The following CAMKK2 variants were observed in gnomAD, a reference collection of about 807,000 sequenced individuals.
CAMKK2 encodes the protein calcium/calmodulin dependent protein kinase kinase 2.
CAMKK2 carries 30 observed loss-of-function variants against 67.2 expected under a neutral mutation model. The ratio of observed to expected loss-of-function variants is 0.45; its 90% confidence interval spans 0.33 to 0.61. CAMKK2 has a LOEUF of 0.61. CAMKK2 is among the 20% of genes least tolerant of loss of function. The pLI is 0.02. For missense variants in CAMKK2, 643 were observed against 802.0 expected (o/e 0.80, Z 2.39); for synonymous variants, 322 against 326.2 (o/e 0.99, Z 0.14).
At chr12:121,265,481 A>G (rs1420256557) in intron 5 of CAMKK2, among the ~76,000 whole-genome samples, 1 of 152,096 alleles carries the variant, frequency 6.6e-6, no homozygotes, top group African/African-American at 2.4e-5. Context: ...GTCAAAACCT[A>G]ATCCCCAACG....
intron 1 of CAMKK2, among the ~76,000 whole-genome samples, chr12:121,291,834 G>T (rs1226420059): frequency 6.6e-6 from 1 of 152,086 alleles, no homozygotes; most frequent in African/African-American, 2.4e-5. Context: ...GAGGCGGGCA[G>T]ATCATGAGGT....
Position 121,240,282 on chromosome 12 carries a change from G to T in CAMKK2, c.*417C>A. Reference sequence around the variant, plus strand: ...AGCCCCCTACTCCCTCTCAAATGCAGCAACCACCTCCATGGCCTCAGACCG... The same window carrying T: ...AGCCCCCTACTCCCTCTCAAATGCATCAACCACCTCCATGGCCTCAGACCG... On this transcript the variant is annotated 3_prime_UTR_variant, in exon 17 of 17. Transcript: ENST00000404169. This position sits in a 1 kb window ranked among gnomAD's most constrained non-coding sequence, Gnocchi z 4.4. 1.4e-6 allele frequency: 1 copy of T among 705,490 alleles called. No individual in the cohort carries two copies. The highest frequency in any genetic ancestry group is 2.3e-6 in the Non-Finnish European group (1 of 431,806). The allele number at this position is 705,490 out of a possible 1,614,324, so 43.7% of individuals were successfully genotyped here. A position where few individuals can be genotyped will look rare whatever the true frequency, so the allele number is the denominator to read the frequency against.
chr12:121,274,000 G>A (rs1040586319), intron 2 of CAMKK2, 56 bp downstream of exon 2: 7 of 1,257,046 alleles, frequency 5.6e-6, no homozygotes, highest in Middle Eastern at 2.8e-4. Context: ...GCCCTGCTGG[G>A]GGCAGGGAAG....
At position 121,274,155 on chromosome 12, in the gene CAMKK2, C is replaced by T. The variant is rs752505746; in HGVS notation, c.372G>A (p.Pro124=). 1.7e-5 allele frequency: 27 copies of T among 1,593,558 alleles called. No individual in the cohort carries two copies. Among genetic ancestry groups the T allele is most frequent in the Middle Eastern group, 1.7e-4 (1 of 5,996 alleles). Residue 124 remains proline, a synonymous_variant, in exon 2 of 17, where the codon CCG becomes CCA. Coordinates refer to ENST00000404169, the MANE Select transcript of CAMKK2 (RefSeq NM_001270485.2). The part of the protein sequence containing the change: ...SLDMNGRCIC[P]SLPYSPVSSP... ...AGCTGACGGGTGAGTAGGGCAGGGA[C>T]GGGCAGATGCAGCGTCCGTTCATGT...
chr12:121,252,791 C>T, intron 10 of CAMKK2, 77 bp from the exon 11 acceptor site: 1 of 1,421,576 alleles, frequency 7.0e-7, no homozygotes, highest in Non-Finnish European at 9.9e-7. Flanking sequence ...TTTGGGGAAC[C>T]ACCTCTTGAC....
intron 2 of CAMKK2, among the ~76,000 whole-genome samples, 159 bp from the exon 3 acceptor site, chr12:121,271,104 A>G (rs77230944): frequency 0.049 from 7,375 of 151,860 alleles, 569 homozygotes; most frequent in African/African-American, 0.17. Context: ...GTGAAATCCC[A>G]TCTCTATTAA....
intron 13 of CAMKK2, 53 bp from the exon 14 acceptor site, chr12:121,248,787 G>A (rs1256960928): frequency 2.5e-6 from 4 of 1,606,212 alleles, no homozygotes; most frequent in Non-Finnish European, 3.4e-6. Context: ...CTACCGGGGG[G>A]CCCTGCCAGC....
At chr12:121,249,728 C>T in intron 13 of CAMKK2, 59 bp downstream of exon 13, 15 of 1,409,674 alleles carry the variant, frequency 1.1e-5, no homozygotes, top group Non-Finnish European at 1.5e-5. Context: ...TGGGGTCTGG[C>T]TGAGGCATGG....
chr12:121,267,103 CTTTT>C (rs1200740861), intron 5 of CAMKK2, among the ~76,000 whole-genome samples: 1 of 35,106 alleles, frequency 2.8e-5, no homozygotes, highest in Non-Finnish European at 5.2e-5. Flanking sequence ...TTTAATTTAT[CTTTT>C]TTTTTTTTTT....
At chr12:121,276,853 A>T (rs1231522460) in intron 1 of CAMKK2, among the ~76,000 whole-genome samples, 6 of 129,118 alleles carry the variant, frequency 4.6e-5, no homozygotes, top group Admixed American at 9.5e-5. Flanking sequence ...ACCACTGCAC[A>T]CCAGCCTGCC....
rs1054953166 is a variant in CAMKK2, at chr12:121,292,653, G to A, written c.-60+3985C>T. On this transcript the variant is annotated intron_variant, in intron 1 of 16. Transcript: ENST00000404169. ...AACCCCATCCAAAGAGAAGAAGTGA[G>A]TGGGAAAGCAAAACATGGAAGAAAA... Among the ~76,000 whole-genome samples, 7 of 152,268 alleles carry A rather than the reference G, an allele frequency of 4.6e-5. No individual in the cohort carries two copies. The East Asian group carries it at 1.2e-3, about 25-fold the overall frequency.
rs760666382 is a variant in CAMKK2, at chr12:121,274,305, C to A, written c.222G>T (p.Leu74=). ...GGGGGACCTCTTGGCCATCGGCCTC[C>A]AGGGGCCGGTCCCGCGCCAAGCCGA... The part of the protein sequence containing the change: ...VDLGLARDRP[L]EADGQEVPLD... Residue 74 remains leucine, a synonymous_variant, in exon 2 of 17, where the codon CTG becomes CTT. Transcript: ENST00000404169. 4 of 1,612,450 alleles carry A rather than the reference C, an allele frequency of 2.5e-6. No individual in the cohort carries two copies. Among genetic ancestry groups the A allele is most frequent in the Non-Finnish European group, 3.4e-6 (4 of 1,179,204 alleles).
At chr12:121,256,876 G>A (rs1227710921) in intron 7 of CAMKK2, among the ~76,000 whole-genome samples, 1 of 152,130 alleles carries the variant, frequency 6.6e-6, no homozygotes, top group African/African-American at 2.4e-5. Flanking sequence ...TCGTGTACAT[G>A]GATATGTTCA....
intron 7 of CAMKK2, among the ~76,000 whole-genome samples, chr12:121,259,949 G>A (rs959482139): frequency 6.6e-6 from 1 of 152,140 alleles, no homozygotes; most frequent in African/African-American, 2.4e-5. Context: ...TGGGTATGGT[G>A]GCCCATGCCT....
intron 16 of CAMKK2, among the ~76,000 whole-genome samples, chr12:121,242,469 C>T (rs1009753766): frequency 4.6e-5 from 7 of 152,182 alleles, no homozygotes; most frequent in Non-Finnish European, 8.8e-5. Context: ...GGAGGAAGGC[C>T]GAGGAAAGGC....
Position 121,240,937 on chromosome 12 carries a change from T to TCCCACATCTGGGCCCCCTGCC in CAMKK2, c.1597-89_1597-69dup. ...GCCAGCGAGGCCCTGAGCCAGCTGCTCCCACATCTGGGCCCCCTGCCCAAG... is the reference window on the plus strand; with the variant it reads ...GCCAGCGAGGCCCTGAGCCAGCTGCTCCCACATCTGGGCCCCCTGCCCCCACATCTGGGCCCCCTGCCCAAG... On this transcript the variant is annotated intron_variant, in intron 16 of 16. Transcript: ENST00000404169. The surrounding 1 kb of genome is among the most constrained non-coding windows in gnomAD (Gnocchi z 4.4). The TCCCACATCTGGGCCCCCTGCC allele has an allele frequency of 6.5e-7, 1 of 1,541,938 alleles. No individual in the cohort carries two copies. Among genetic ancestry groups the TCCCACATCTGGGCCCCCTGCC allele is most frequent in the Non-Finnish European group, 8.8e-7 (1 of 1,130,508 alleles).
chr12:121,287,357 G>A (rs1898949156), intron 1 of CAMKK2, among the ~76,000 whole-genome samples: 1 of 152,116 alleles, frequency 6.6e-6, no homozygotes, highest in African/African-American at 2.4e-5. Flanking sequence ...GCTTCCATGT[G>A]TCATAAGAGC....
intron 1 of CAMKK2, among the ~76,000 whole-genome samples, chr12:121,289,754 G>A (rs2668256): frequency 0.019 from 2,842 of 152,220 alleles, 93 homozygotes; most frequent in African/African-American, 0.065. Flanking sequence ...TTAGCCAGGC[G>A]TGATGGGACG....
At chr12:121,246,791 A>G (rs1889566174) in intron 14 of CAMKK2, among the ~76,000 whole-genome samples, 1 of 151,900 alleles carries the variant, frequency 6.6e-6, no homozygotes, top group Non-Finnish European at 1.5e-5. Context: ...TCCCAGGTCC[A>G]TCTTTCTTAT....
Sources: gnomAD v4.1 joint callset for allele counts (sites outside exome capture counted in the v4.1 genomes callset) on GRCh38, gnomAD v4.1.1 for gene constraint, Gnocchi (gnomAD v3.1) non-coding constraint, MANE v1.5 for transcripts, NCBI Gene and HGNC (gene_info 2026-07-23, HGNC 2026-07-21) for gene names.